KRT8: variants seen among roughly 807,000 people sequenced by gnomAD.
KRT8 encodes keratin 8, also known as keratin, type II cytoskeletal 8.
In KRT8, 24 loss-of-function variants were observed where a neutral mutation model predicts 43.0. The observed-to-expected ratio is 0.56, with a 90% CI of 0.40 to 0.78. The LOEUF (loss-of-function observed/expected upper bound fraction) is 0.78, where lower values mean the gene tolerates loss of function less well. Ranked by LOEUF, KRT8 falls within the 30% of genes least tolerant of loss-of-function variation. The pLI is 0.00. For synonymous variants in KRT8, 214 were observed against 261.2 expected (o/e 0.82, Z 1.74); for missense variants, 492 against 638.4 (o/e 0.77, Z 2.47).
chr12:52,932,276 A>G (rs1202303189), intron 2 of KRT8, among the ~76,000 whole-genome samples: 1 of 151,734 alleles, frequency 6.6e-6, no homozygotes, highest in African/African-American at 2.4e-5. Context: ...TTTAGTAGAG[A>G]CAGGGTTTCA....
At chr12:52,925,199 A>G (rs1008604336) in intron 2 of KRT8, among the ~76,000 whole-genome samples, 2 of 152,218 alleles carry the variant, frequency 1.3e-5, no homozygotes, top group Non-Finnish European at 2.9e-5. Context: ...GAAAAGACTG[A>G]GTAAGACAAG....
chr12:52,921,629 C>G (rs1941888296), intron 2 of KRT8, among the ~76,000 whole-genome samples: 1 of 152,092 alleles, frequency 6.6e-6, no homozygotes, highest in Non-Finnish European at 1.5e-5. Flanking sequence ...CCAAGGACTT[C>G]CTTCAGGAAG....
chr12:52,940,991 A>C (rs1024969712), intron 2 of KRT8, among the ~76,000 whole-genome samples: 9 of 151,994 alleles, frequency 5.9e-5, no homozygotes, highest in African/African-American at 2.2e-4. Context: ...AGCTGCATCC[A>C]TTTGTCAAAA....
chr12:52,916,173 C>A (rs901852208), intron 2 of KRT8, among the ~76,000 whole-genome samples: 3 of 151,778 alleles, frequency 2.0e-5, no homozygotes, highest in African/African-American at 7.3e-5. Context: ...AAGGGAGGAG[C>A]AGGATGATGA....
chr12:52,921,995 G>C (rs1327495692), intron 2 of KRT8, among the ~76,000 whole-genome samples: 1 of 151,410 alleles, frequency 6.6e-6, no homozygotes, highest in African/African-American at 2.4e-5. Context: ...GCAAGACCCT[G>C]TCTATACCCC....
At chr12:52,934,636 A>G (rs1416755021) in intron 2 of KRT8, among the ~76,000 whole-genome samples, 1 of 152,134 alleles carries the variant, frequency 6.6e-6, no homozygotes, top group Non-Finnish European at 1.5e-5. Context: ...AAGACTTGCC[A>G]TAAAGCTGCA....
chr12:52,918,553 C>T (rs899130141), intron 2 of KRT8, among the ~76,000 whole-genome samples: 1 of 152,200 alleles, frequency 6.6e-6, no homozygotes, highest in Non-Finnish European at 1.5e-5. Flanking sequence ...GCCCCAAAGC[C>T]ATGTGTGACC....
At chr12:52,936,071 G>A (rs1017943655) in intron 2 of KRT8, among the ~76,000 whole-genome samples, 3 of 151,798 alleles carry the variant, frequency 2.0e-5, no homozygotes, top group Admixed American at 6.6e-5. Context: ...GGTGAACATG[G>A]TGAAACCCCG....
At chr12:52,931,154 G>A (rs191509813) in intron 2 of KRT8, among the ~76,000 whole-genome samples, 1,975 of 150,504 alleles carry the variant, frequency 0.013, 44 homozygotes, top group African/African-American at 0.045. Flanking sequence ...TGCAAGCTCC[G>A]CCTCCCGGGT....
chr12:52,944,636 C>T (rs1478371533), intron 2 of KRT8, among the ~76,000 whole-genome samples: 1 of 152,206 alleles, frequency 6.6e-6, no homozygotes, highest in Non-Finnish European at 1.5e-5. Context: ...CCCGACTTCT[C>T]TGAGCTTCAG....
intron 2 of KRT8, among the ~76,000 whole-genome samples, chr12:52,931,922 C>A (rs534753307): frequency 1.3e-5 from 2 of 152,194 alleles, no homozygotes; most frequent in South Asian, 4.2e-4. Flanking sequence ...CTTGGCCTCC[C>A]AAAGTGCTGG....
chr12:52,900,953 C>A (rs1941354207), intron 3 of KRT8: 1 of 646,290 alleles, frequency 1.5e-6, no homozygotes, highest in Non-Finnish European at 2.8e-6. Flanking sequence ...TTTTCTGAAC[C>A]ATGTCCCAAC....
At chr12:52,918,220 G>C (rs958156986) in intron 2 of KRT8, among the ~76,000 whole-genome samples, 30 of 149,946 alleles carry the variant, frequency 2.0e-4, no homozygotes, top group African/African-American at 6.8e-4. Context: ...AGAAGAAGAA[G>C]AAGAAGAAGA....
At chr12:52,903,262 TCTCA>T (rs1048571064) in intron 1 of KRT8, among the ~76,000 whole-genome samples, 14 of 62,274 alleles carry the variant, frequency 2.2e-4, no homozygotes, top group African/African-American at 6.8e-4. Context: ...ATTTAGGGGC[TCTCA>T]TATTCATTTT....
intron 2 of KRT8, among the ~76,000 whole-genome samples, chr12:52,920,745 G>C (rs190430981): frequency 5.3e-5 from 8 of 151,516 alleles, no homozygotes; most frequent in African/African-American, 1.9e-4. Flanking sequence ...CAGCCTGCCA[G>C]GTAAGCCTGT....
At chr12:52,918,934 C>T (rs537244426) in intron 2 of KRT8, among the ~76,000 whole-genome samples, 1 of 152,268 alleles carries the variant, frequency 6.6e-6, no homozygotes, top group African/African-American at 2.4e-5. Context: ...CAGAACAGAA[C>T]AGTGTCTGCT....
intron 2 of KRT8, 197 bp downstream of exon 2, chr12:52,901,667 G>A (rs1177091133): frequency 1.6e-6 from 1 of 615,590 alleles, no homozygotes; most frequent in Non-Finnish European, 2.9e-6. Flanking sequence ...TTGAAAGGGG[G>A]TGGGTACTAT....
intron 2 of KRT8, among the ~76,000 whole-genome samples, chr12:52,930,030 G>A (rs1263747755): frequency 6.6e-6 from 1 of 152,172 alleles, no homozygotes; most frequent in Non-Finnish European, 1.5e-5. Context: ...GAAGCCTGGA[G>A]TCAGCAAAAG....
At chr12:52,940,326 G>C (rs745579167) in intron 2 of KRT8, among the ~76,000 whole-genome samples, 2 of 151,554 alleles carry the variant, frequency 1.3e-5, no homozygotes, top group African/African-American at 4.9e-5. Context: ...CCAGCTACTC[G>C]GGAGGCTAAG....
Sources: gnomAD v4.1 joint callset for allele counts (sites outside exome capture counted in the v4.1 genomes callset) on GRCh38, gnomAD v4.1.1 for gene constraint, MANE v1.5 for transcripts, NCBI Gene and HGNC (gene_info 2026-07-23, HGNC 2026-07-21) for gene names.